SETD5: variants seen among roughly 807,000 people sequenced by gnomAD.
SETD5 encodes SET domain containing 5, also known as histone-lysine N-methyltransferase SETD5.
In SETD5, 44 loss-of-function variants were observed where a neutral mutation model predicts 153.3. That is an observed-to-expected ratio of 0.29 (90% CI 0.23 to 0.37). The LOEUF (loss-of-function observed/expected upper bound fraction) is 0.37, where lower values mean the gene tolerates loss of function less well. Ranked by LOEUF, SETD5 falls within the 10% of genes least tolerant of loss-of-function variation. The pLI, the probability that SETD5 is intolerant of heterozygous loss-of-function variation, is 1.00. For synonymous variants in SETD5, 716 were observed against 645.2 expected (o/e 1.11, Z -1.66); for missense variants, 1,544 against 1,768.0 (o/e 0.87, Z 2.27).
At chr3:9,442,873 T>TA (rs1005811003) in intron 10 of SETD5, 117 of 169,072 alleles carry the variant, frequency 6.9e-4, no homozygotes, top group South Asian at 1.9e-3. Context: ...CCGTCTCTAC[T>TA]AAAAAAAAAT....
At chr3:9,411,354 G>A (rs994961855) in intron 1 of SETD5, among the ~76,000 whole-genome samples, 2 of 152,072 alleles carry the variant, frequency 1.3e-5, no homozygotes, top group African/African-American at 4.8e-5. Flanking sequence ...GATTTTATGT[G>A]TTTTAAATAA....
At chr3:9,400,060 G>C (rs1045556460) in intron 1 of SETD5, among the ~76,000 whole-genome samples, 2 of 152,210 alleles carry the variant, frequency 1.3e-5, no homozygotes, top group Admixed American at 1.3e-4. Context: ...GGCGATGGCT[G>C]CTTCAGGACT....
chr3:9,446,556 A>G (rs2042036112), intron 13 of SETD5, among the ~76,000 whole-genome samples: 1 of 151,176 alleles, frequency 6.6e-6, no homozygotes, highest in Non-Finnish European at 1.5e-5. Context: ...GCAGTGGCGC[A>G]ATCTCAACTC....
chr3:9,451,201 A>G (rs1452938288), intron 16 of SETD5, among the ~76,000 whole-genome samples: 1 of 152,180 alleles, frequency 6.6e-6, no homozygotes, highest in Non-Finnish European at 1.5e-5. Context: ...ATTTCATTTT[A>G]TACACTGGAG....
chr3:9,413,152 C>T (rs1373521103), intron 1 of SETD5, among the ~76,000 whole-genome samples: 1 of 152,156 alleles, frequency 6.6e-6, no homozygotes, highest in Admixed American at 6.5e-5. Flanking sequence ...ACTGCTTGCC[C>T]TCTGAGCCCA....
intron 1 of SETD5, among the ~76,000 whole-genome samples, chr3:9,400,938 A>G (rs1212175424): frequency 7.2e-5 from 11 of 152,208 alleles, no homozygotes; most frequent in Non-Finnish European, 1.3e-4. Flanking sequence ...AATACTGGAC[A>G]TATTCCTGTG....
At chr3:9,417,262 T>C (rs777255144) in intron 1 of SETD5, among the ~76,000 whole-genome samples, 133 of 152,170 alleles carry the variant, frequency 8.7e-4, no homozygotes, top group Non-Finnish European at 1.5e-3. Flanking sequence ...GCGACTGATG[T>C]GGTTTGCTAA....
chr3:9,464,451 A>G lies in SETD5; in HGVS notation c.2503A>G (p.Lys835Glu). The G allele has an allele frequency of 6.2e-7, 1 of 1,612,148 alleles. No individual in the cohort carries two copies. The highest frequency in any genetic ancestry group is 8.5e-7 in the Non-Finnish European group (1 of 1,178,296). ...CTTGTTGAGCCCATTAAAGAAATGGAAGTCTCGCTATCTGATGGAGCAGAA... is the reference window on the plus strand; with the variant it reads ...CTTGTTGAGCCCATTAAAGAAATGGGAGTCTCGCTATCTGATGGAGCAGAA... ...ADLLSPLKKW[K>E]SRYLMEQNVT... The change falls in exon 18 of 23, where the codon AAG becomes GAG. Residue 835 changes from lysine (K) to glutamate (E), a missense_variant. By Grantham distance (56) the Lys-to-Glu change is moderately conservative (BLOSUM62 1). Coordinates refer to ENST00000402198, the MANE Select transcript of SETD5 (RefSeq NM_001080517.3).
intron 1 of SETD5, among the ~76,000 whole-genome samples, chr3:9,416,401 A>G (rs2037468736): frequency 6.6e-6 from 1 of 152,212 alleles, no homozygotes; most frequent in East Asian, 1.9e-4. Context: ...TATAGCAAAT[A>G]TAGGAATGCT....
chr3:9,447,192 A>G lies in SETD5; in HGVS notation c.1667A>G (p.Glu556Gly). 6.2e-7 allele frequency: 1 copy of G among 1,614,032 alleles called. No individual in the cohort carries two copies. Among genetic ancestry groups the G allele is most frequent in the South Asian group, 1.1e-5 (1 of 91,086 alleles). ...ACCACCTCAGAGACTCCTGTTGGTG[A>G]AGAGACAAAAACTGAAGCCCCTGAA... ...TTTTSETPVG[E>G]ETKTEAPESE... The change falls in exon 14 of 23, where the codon GAA (glutamate) becomes GGA (glycine). Residue 556 changes from glutamate to glycine, a missense_variant. Physicochemically the swap from Glu to Gly is moderately conservative, Grantham distance 98. This residue lies in a region of SETD5 where 782 missense variants were observed against 787.2 expected (regional missense o/e 0.99). Coordinates refer to ENST00000402198, the MANE Select transcript of SETD5 (RefSeq NM_001080517.3).
At position 9,447,975 on chromosome 3, in the gene SETD5, G is replaced by A. The variant is rs1356802086; in HGVS notation, c.2072G>A (p.Arg691His). 24 of 1,613,312 alleles carry A rather than the reference G, an allele frequency of 1.5e-5. No homozygotes were observed. The highest frequency in any genetic ancestry group is 1.8e-5 in the Non-Finnish European group (21 of 1,179,504). ...VVSITGSHVN[R>H]AASKYPKTKK... ...TCAATTACTGGATCCCATGTCAACC[G>A]TGCTGCATCTAAATACCCCAAAACC... Residue 691 changes from arginine (R) to histidine (H), a missense_variant, in exon 15 of 23, where the codon CGT (arginine) becomes CAT (histidine). Physicochemically the swap from Arg to His is conservative, Grantham distance 29. This residue lies in a region of SETD5 where 782 missense variants were observed against 787.2 expected (regional missense o/e 0.99). Transcript: ENST00000402198.
rs2033896946 is a variant in SETD5, at chr3:9,397,690, C to T, written c.-464C>T. 1.1e-5 allele frequency: 2 copies of T among 178,532 alleles called. No individual in the cohort carries two copies. Among genetic ancestry groups the T allele is most frequent in the Non-Finnish European group, 2.2e-5 (2 of 90,316 alleles). The allele number at this position is 178,532 out of a possible 1,614,324, so 11.1% of individuals were successfully genotyped here. A position where few individuals can be genotyped will look rare whatever the true frequency, so the allele number is the denominator to read the frequency against. On this transcript the variant is annotated 5_prime_UTR_variant, in exon 1 of 23. Coordinates refer to ENST00000402198, the MANE Select transcript of SETD5 (RefSeq NM_001080517.3). ...CCGCCGCCGCCGCCGCCGCCGCTGC[C>T]GGGGGAGGGGCGGCCGCCGCCCGCC...
At chr3:9,442,360 T>G in intron 10 of SETD5, 115 bp downstream of exon 10, 1 of 746,734 alleles carries the variant, frequency 1.3e-6, no homozygotes. Flanking sequence ...GTCGTGATAT[T>G]TCATCGTGGG....
intron 19 of SETD5, among the ~76,000 whole-genome samples, chr3:9,472,341 T>C (rs1479745705): frequency 1.3e-5 from 2 of 152,138 alleles, no homozygotes; most frequent in Non-Finnish European, 2.9e-5. Context: ...GGCATGGTAA[T>C]AGGTTCTACG....
chr3:9,412,740 C>G (rs1286190698), intron 1 of SETD5, among the ~76,000 whole-genome samples: 1 of 151,032 alleles, frequency 6.6e-6, no homozygotes, highest in Non-Finnish European at 1.5e-5. Flanking sequence ...AAGTCTTTAT[C>G]TTTTGGAGAT....
Position 9,464,578 on chromosome 3 carries a change from G to A in SETD5, c.2630G>A (p.Gly877Glu), listed in dbSNP as rs2044340120. Residue 877 changes from glycine to glutamate, a missense_variant, in exon 18 of 23, where the codon GGA becomes GAA. By Grantham distance (98) the Gly-to-Glu change is moderately conservative. Transcript: ENST00000402198. ...QLATPGSSHP[G>E]EEECRNGYSL... ...GCCACACCTGGCTCATCTCACCCAG[G>A]AGAAGAGGAGTGTCGAAATGGATAC... 1 of 1,613,826 alleles carries A rather than the reference G, an allele frequency of 6.2e-7. No individual in the cohort carries two copies. The highest frequency in any genetic ancestry group is 1.1e-5 in the South Asian group (1 of 91,086).
chr3:9,417,894 G>A (rs898115349), intron 1 of SETD5, among the ~76,000 whole-genome samples: 2 of 150,076 alleles, frequency 1.3e-5, no homozygotes, highest in African/African-American at 4.9e-5. Context: ...TAAAAATGAA[G>A]CATCATATTT....
At chr3:9,429,788 C>T in intron 3 of SETD5, 1 of 1,265,990 alleles carries the variant, frequency 7.9e-7, no homozygotes, top group Non-Finnish European at 1.0e-6. Context: ...CCCCTCTTGT[C>T]CTTTTACCTC....
chr3:9,466,287 C>CAAAA (rs146498301), intron 18 of SETD5, among the ~76,000 whole-genome samples: 16 of 63,256 alleles, frequency 2.5e-4, no homozygotes, highest in Non-Finnish European at 3.7e-4. Flanking sequence ...GACTCCGTCT[C>CAAAA]AAAAAAAAAA....
Sources: allele counts gnomAD v4.1 joint callset (sites outside exome capture counted in the v4.1 genomes callset), GRCh38; gene constraint gnomAD v4.1.1; regional missense constraint gnomAD v4.1.1; transcripts MANE v1.5; gene names NCBI Gene and HGNC (gene_info 2026-07-23, HGNC 2026-07-21).